Variants in GANAB observed in about 807,000 individuals in gnomAD.
GANAB encodes neutral alpha-glucosidase AB.
GANAB carries 35 observed loss-of-function variants against 129.9 expected under a neutral mutation model. That is an observed-to-expected ratio of 0.27 (90% CI 0.21 to 0.36). GANAB has a LOEUF of 0.36. Ranked by LOEUF, GANAB falls within the 10% of genes least tolerant of loss-of-function variation. The probability of loss-of-function intolerance (pLI) is 1.00; values close to 1 mark genes in which losing one functional copy is unlikely to be tolerated. For missense variants in GANAB, 939 were observed against 1,221.0 expected, an observed-to-expected ratio of 0.77 and a Z score of 3.44; for synonymous variants, 482 against 451.8, an observed-to-expected ratio of 1.07 and a Z score of -0.85.
intron 9 of GANAB, 148 bp from the exon 10 acceptor site, chr11:62,631,331 G>C (rs949171114): frequency 3.1e-6 from 2 of 649,122 alleles, no homozygotes; most frequent in Non-Finnish European, 5.2e-6. Context: ...CCTCTTCAGT[G>C]AGGCTTTCCT....
At chr11:62,634,160 G>C (rs1170338349) in intron 5 of GANAB, 3 of 597,850 alleles carry the variant, frequency 5.0e-6, no homozygotes, top group Non-Finnish European at 9.1e-6. Context: ...CCCAGCCAGG[G>C]TAACAGGTAA....
At position 62,630,005 on chromosome 11, in the gene GANAB, G is replaced by A. The variant is rs117266155; in HGVS notation, c.1594-48C>T. On this transcript the variant is annotated intron_variant, in intron 13 of 23. Transcript: ENST00000356638. ...GGGACAGAAGGACAGAGGGGAGGAA[G>A]AAGACAAACAGTGTCAGAGAAGAGA... The A allele has an allele frequency of 0.025, 39,364 of 1,592,018 alleles. 584 individuals are homozygous for A. The highest frequency in any genetic ancestry group is 0.029 in the Non-Finnish European group (33,536 of 1,160,178).
At chr11:62,626,188 TC>T in intron 22 of GANAB, 23 bp from the exon 23 acceptor site, 1 of 1,523,316 alleles carries the variant, frequency 6.6e-7, no homozygotes, top group Non-Finnish European at 9.1e-7. Flanking sequence ...AAAGCAGATG[TC>T]CATCAGGGGG....
chr11:62,633,823 T>C (rs1590808349), intron 5 of GANAB: 1 of 486,772 alleles, frequency 2.1e-6, no homozygotes, highest in East Asian at 3.7e-5. Context: ...TGAATGCCAA[T>C]CCTGGCTCTG....
At chr11:62,636,634 G>A (rs1223392916) in intron 4 of GANAB, among the ~76,000 whole-genome samples, 2 of 152,176 alleles carry the variant, frequency 1.3e-5, no homozygotes, top group Non-Finnish European at 2.9e-5. Context: ...GGTCAACATA[G>A]TGAAACCCTG....
chr11:62,630,532 G>A (rs761368830), intron 11 of GANAB, 27 bp from the exon 12 acceptor site: 16 of 1,613,982 alleles, frequency 9.9e-6, no homozygotes, highest in East Asian at 2.2e-5. Context: ...GGGGTGTTCA[G>A]GTCTCTTTAA....
At position 62,630,520 on chromosome 11, in the gene GANAB, C is replaced by G; in HGVS notation, c.1387-15G>C. On this transcript the variant is annotated splice_polypyrimidine_tract_variant and intron_variant, in intron 11 of 23. Transcript: ENST00000356638. ...ATGGCCACCAGCTGGGGGCAAGGAA[C>G]AGGGGTGTTCAGGTCTCTTTAAGGC... 6.2e-7 allele frequency: 1 copy of G among 1,614,196 alleles called. No individual in the cohort carries two copies. Among genetic ancestry groups the G allele is most frequent in the Non-Finnish European group, 8.5e-7 (1 of 1,180,030 alleles).
At chr11:62,638,422 G>A (rs565648548) in intron 4 of GANAB, among the ~76,000 whole-genome samples, 13 of 152,220 alleles carry the variant, frequency 8.5e-5, no homozygotes, top group African/African-American at 3.1e-4. Context: ...AAAGTGCTGG[G>A]ATTACAGGCG....
intron 9 of GANAB, among the ~76,000 whole-genome samples, chr11:62,631,914 G>A (rs1943704893): frequency 6.6e-6 from 1 of 151,404 alleles, no homozygotes. Context: ...ATCATGCCCG[G>A]CCCCATCTTG....
At chr11:62,633,960 CT>C (rs1038410136) in intron 5 of GANAB, 10 of 351,500 alleles carry the variant, frequency 2.8e-5, no homozygotes, top group Middle Eastern at 1.7e-3. Flanking sequence ...TACATAGGGA[CT>C]TCAAGAGATT....
chr11:62,628,736 G>A, intron 17 of GANAB, 33 bp downstream of exon 17: 1 of 1,604,656 alleles, frequency 6.2e-7, no homozygotes, highest in Admixed American at 1.7e-5. Context: ...AGCCACCTCA[G>A]CCCACTCTTC....
At chr11:62,629,053 G>A (rs201965920) in intron 16 of GANAB, 41 bp from the exon 17 acceptor site, 12 of 1,606,762 alleles carry the variant, frequency 7.5e-6, no homozygotes, top group Admixed American at 1.7e-5. Context: ...AAAAGAGGGT[G>A]AAGGAGAGAT....
At position 62,625,437 on chromosome 11, in the gene GANAB, G is replaced by A. The variant is rs752073689; in HGVS notation, c.*378C>T. On this transcript the variant is annotated 3_prime_UTR_variant, in exon 24 of 24. Coordinates refer to ENST00000356638, the MANE Select transcript of GANAB (RefSeq NM_198334.3). ...CATTGCCCTCATCTTCTTCCAAGAA[G>A]TGGCATCAACATACAAGAGGCATGA... The A allele has an allele frequency of 6.6e-5, 26 of 396,870 alleles. No individual in the cohort carries two copies. Among genetic ancestry groups the A allele is most frequent in the Non-Finnish European group, 1.1e-4 (23 of 202,772 alleles). The allele number at this position is 396,870 out of a possible 1,614,324, so 24.6% of individuals were successfully genotyped here.
rs565432457 is a variant in GANAB, at chr11:62,631,051, G to A, written c.1129C>T (p.Arg377Trp). Residue 377 changes from arginine to tryptophan, a missense_variant, in exon 10 of 24, where the codon CGG becomes TGG. Transcript: ENST00000356638. ...GTACCTGTGAGACTAGCATATTGCCGGAAAACATCAGAGATGGAGGGCCCC... is the reference window on the plus strand; with the variant it reads ...GTACCTGTGAGACTAGCATATTGCCAGAAAACATCAGAGATGGAGGGCCCC... ...LLGPSISDVF[R>W]QYASLTGTQA... 9.3e-6 allele frequency: 15 copies of A among 1,607,454 alleles called. No individual in the cohort carries two copies. The highest frequency in any genetic ancestry group is 6.7e-5 in the African/African-American group (5 of 74,814).
rs901771165 is a variant in GANAB at position 62,625,257 on chromosome 11, T to C, written c.*558A>G. On this transcript the variant is annotated 3_prime_UTR_variant, in exon 24 of 24. Transcript: ENST00000356638. ...GAATGAGAGGGAAAAGGATGTTCTT[T>C]AGCAACCTCACTCCTTTGATCCATT... 29 of 455,532 alleles carry C rather than the reference T, an allele frequency of 6.4e-5. No individual in the cohort carries two copies. The highest frequency in any genetic ancestry group is 9.7e-5 in the Non-Finnish European group (22 of 226,812). 28.2% of individuals were successfully genotyped at this position (455,532 alleles called of 1,614,324 possible). A position where few individuals can be genotyped will look rare whatever the true frequency, so the allele number is the denominator to read the frequency against.
At chr11:62,634,599 C>T (rs1943850223) in intron 5 of GANAB, 3 of 614,898 alleles carry the variant, frequency 4.9e-6, no homozygotes, top group Non-Finnish European at 8.6e-6. Context: ...CCAGAGATGC[C>T]CAGGGTACAG....
Position 62,639,656 on chromosome 11 carries a change from A to G in GANAB, c.114T>C (p.Phe38=). The change falls in exon 2 of 24, where the codon TTT becomes TTC. Residue 38 remains phenylalanine, a synonymous_variant. Coordinates refer to ENST00000356638, the MANE Select transcript of GANAB (RefSeq NM_198334.3). ...GITLAVDRSN[F]KTCEESSFCK... Reference sequence around the variant, plus strand: ...AGAAAGAACTCTCTTCACAGGTCTTAAAGTTGCTTCTATCCACAGCAAGGG... The same window carrying G: ...AGAAAGAACTCTCTTCACAGGTCTTGAAGTTGCTTCTATCCACAGCAAGGG... 6.2e-7 allele frequency: 1 copy of G among 1,613,632 alleles called. No individual in the cohort carries two copies. The highest frequency in any genetic ancestry group is 8.5e-7 in the Non-Finnish European group (1 of 1,179,534).
intron 4 of GANAB, among the ~76,000 whole-genome samples, chr11:62,636,945 A>AT (rs1026474310): frequency 7.9e-5 from 12 of 151,548 alleles, no homozygotes; most frequent in Admixed American, 3.3e-4. Flanking sequence ...ATATATATAT[A>AT]TTTTTTTCTG....
intron 1 of GANAB, among the ~76,000 whole-genome samples, chr11:62,643,678 T>C (rs374684041): frequency 1.3e-5 from 2 of 151,900 alleles, no homozygotes; most frequent in East Asian, 3.9e-4. Flanking sequence ...TAGCCAGGCG[T>C]AGTGGCACAT....
Sources: allele counts gnomAD v4.1 joint callset (sites outside exome capture counted in the v4.1 genomes callset), GRCh38; gene constraint gnomAD v4.1.1; transcripts MANE v1.5; gene names NCBI Gene and HGNC (gene_info 2026-07-23, HGNC 2026-07-21).